The following OTUD7B variants were observed in gnomAD, a reference collection of about 807,000 sequenced individuals.
The protein encoded by OTUD7B is OTU deubiquitinase 7B, also known as OTU domain-containing protein 7B.
A neutral mutation model predicts 82.2 loss-of-function variants in OTUD7B; 34 were observed. The observed-to-expected ratio is 0.41, with a 90% CI of 0.31 to 0.55. The LOEUF (loss-of-function observed/expected upper bound fraction) is 0.55, where lower values mean the gene tolerates loss of function less well. Among genes scored for constraint, OTUD7B ranks in the 20% least tolerant of loss-of-function variants. The pLI is 0.20. For synonymous variants in OTUD7B, 398 were observed against 402.7 expected, an observed-to-expected ratio of 0.99 and a Z score of 0.14; for missense variants, 944 against 1,062.1, an observed-to-expected ratio of 0.89 and a Z score of 1.55.
At chr1:150,014,921 T>TG (rs1553788180), upstream of OTUD7B, among the ~76,000 whole-genome samples, 1 of 151,044 alleles carries the variant, frequency 6.6e-6, no homozygotes, top group African/African-American at 2.4e-5. Context: ...TTGCCTCAAT[T>TG]AAAAAAAAAT....
At chr1:149,976,505 G>A (rs587741889) in intron 2 of OTUD7B, among the ~76,000 whole-genome samples, 14 of 151,470 alleles carry the variant, frequency 9.2e-5, no homozygotes, top group East Asian at 5.8e-4. Flanking sequence ...CAGCTACTCC[G>A]GAGGCTGAGG....
At chr1:149,997,088 G>A (rs182345219) in intron 1 of OTUD7B, among the ~76,000 whole-genome samples, 1 of 152,326 alleles carries the variant, frequency 6.6e-6, no homozygotes, top group Admixed American at 6.5e-5. Context: ...AGTCTTGGCA[G>A]ACGAAATTAA....
At chr1:150,057,709 A>G in the OTUD7B span, among the ~76,000 whole-genome samples, 2 of 152,342 alleles carry the variant, frequency 1.3e-5, no homozygotes, top group Non-Finnish European at 2.9e-5. Flanking sequence ...ATTGCCCATG[A>G]TTCTGAGGTT....
Position 149,938,430 on chromosome 1 carries a change from C to T in OTUD7B, c.*5427G>A, listed in dbSNP as rs2092740258. 1 of 126,066 alleles carries T rather than the reference C, an allele frequency of 7.9e-6. No individual in the cohort carries two copies. The highest frequency in any genetic ancestry group is 3.1e-5 in the African/African-American group (1 of 32,124). The allele number at this position is 126,066 out of a possible 1,614,324, so 7.8% of individuals were successfully genotyped here. On this transcript the variant is annotated 3_prime_UTR_variant, in exon 12 of 12. Transcript: ENST00000581312. ...GAGCCAAGATCTAATGACTACGCTC[C>T]AGCCTGGGCAACAGAGCAAGACTCC...
chr1:149,950,099 C>G lies in OTUD7B; in HGVS notation c.968G>C (p.Gly323Ala). 4 of 1,613,940 alleles carry G rather than the reference C, an allele frequency of 2.5e-6. No individual in the cohort carries two copies. The highest frequency in any genetic ancestry group is 3.4e-6 in the Non-Finnish European group (4 of 1,180,016). ...GGACTGACTGGCTGACTCACCTTCC[C>G]CTCCGGAGTCCCTCAGCATGGTGTC... is the stretch of plus-strand genomic sequence containing the variant. ...VADTMLRDSGGEAFAPIPFGG... is the reference protein window; with the variant it reads ...VADTMLRDSGAEAFAPIPFGG... The change falls in exon 8 of 12, where the codon GGG becomes GCG. Residue 323 changes from glycine to alanine, a missense_variant. Gly to Ala is a moderately conservative substitution (Grantham distance 60). Transcript: ENST00000581312.
chr1:149,951,021 C>T (rs1388035667), intron 7 of OTUD7B, among the ~76,000 whole-genome samples: 3 of 104,712 alleles, frequency 2.9e-5, no homozygotes, highest in East Asian at 6.6e-4. Flanking sequence ...CTCACTCTTT[C>T]GCCCAGACTG....
intron 1 of OTUD7B, among the ~76,000 whole-genome samples, chr1:150,000,602 T>C (rs782014714): frequency 6.6e-6 from 1 of 152,128 alleles, no homozygotes; most frequent in Non-Finnish European, 1.5e-5. Context: ...TGAAAAGCAA[T>C]GTTGAGAAAA....
At chr1:150,052,244 G>GACGACATGATTCCATATTTAGAAA in the OTUD7B span, among the ~76,000 whole-genome samples, 1 of 152,302 alleles carries the variant, frequency 6.6e-6, no homozygotes, top group East Asian at 1.9e-4. Context: ...TCTGTTTGCA[G>GACGACATGATTCCATATTTAGAAA]ACGACATGAT....
intron 5 of OTUD7B, among the ~76,000 whole-genome samples, chr1:149,965,294 G>A (rs1172465121): frequency 6.6e-6 from 1 of 152,022 alleles, no homozygotes; most frequent in African/African-American, 2.4e-5. Context: ...TTGAACCCAG[G>A]GGTGGAGGTC....
the OTUD7B span, among the ~76,000 whole-genome samples, chr1:150,039,386 A>ATT: frequency 0.64 from 50,708 of 78,776 alleles, 12,021 homozygotes; most frequent in African/African-American, 0.75. Context: ...TTAAAAAAAA[A>ATT]ATTTTTTTTG....
intron 4 of OTUD7B, among the ~76,000 whole-genome samples, chr1:149,966,482 G>A (rs186098262): frequency 5.3e-5 from 8 of 152,272 alleles, no homozygotes; most frequent in East Asian, 1.9e-4. Flanking sequence ...ATGTCATCAC[G>A]TGTGGGGTGT....
Position 149,949,000 on chromosome 1 carries a change from T to G in OTUD7B, c.1207A>C (p.Lys403Gln). 6.2e-7 allele frequency: 1 copy of G among 1,613,720 alleles called. No individual in the cohort carries two copies. Among genetic ancestry groups the G allele is most frequent in the South Asian group, 1.1e-5 (1 of 91,084 alleles). The part of the protein sequence containing the change: ...VDPGKGWEWG[K>Q]DDSDNVRLAS... ...AATCGGACATTGTCACTATCATCTT[T>G]GCCCCACTCCCAGCCCTTTCCAGGG... The change falls in exon 10 of 12, where the codon AAA becomes CAA. Residue 403 changes from lysine (K) to glutamine (Q), a missense_variant. Around this residue, in one of 3 missense-constraint regions of OTUD7B, gnomAD observed 530 missense variants for 625.6 expected, o/e 0.85. Coordinates refer to ENST00000581312, the MANE Select transcript of OTUD7B (RefSeq NM_020205.4).
the OTUD7B span, among the ~76,000 whole-genome samples, chr1:150,037,307 A>T: frequency 2.7e-5 from 4 of 150,700 alleles, no homozygotes; most frequent in Non-Finnish European, 5.9e-5. Context: ...GAAAAGGACT[A>T]TTTATAGATA....
At chr1:149,953,918 G>A (rs1483656520) in intron 7 of OTUD7B, among the ~76,000 whole-genome samples, 9 of 152,184 alleles carry the variant, frequency 5.9e-5, no homozygotes, top group Non-Finnish European at 1.0e-4. Context: ...GACTGCTGAA[G>A]TTGCTTATCA....
At chr1:150,052,586 T>C in the OTUD7B span, among the ~76,000 whole-genome samples, 1 of 152,194 alleles carries the variant, frequency 6.6e-6, no homozygotes, top group Non-Finnish European at 1.5e-5. Flanking sequence ...AAAATGGTCA[T>C]ATTGCCCAAA....
intron 1 of OTUD7B, among the ~76,000 whole-genome samples, chr1:150,006,368 A>G (rs1442486311): frequency 1.3e-5 from 2 of 152,176 alleles, no homozygotes; most frequent in Non-Finnish European, 2.9e-5. Context: ...GAGGCAGGAC[A>G]ATGGCATGAA....
At chr1:150,019,518 C>T in the OTUD7B span, among the ~76,000 whole-genome samples, 2 of 152,088 alleles carry the variant, frequency 1.3e-5, no homozygotes, top group Non-Finnish European at 2.9e-5. Flanking sequence ...CAGGCATGGG[C>T]ACCATGCCTG....
Position 149,949,841 on chromosome 1 carries a change from T to C in OTUD7B, c.974-63A>G. ...TTCTGCCTAGTGGACAATCCCTACA[T>C]CCCACTCTGCCAACTGAGTCCCTCC... is the stretch of plus-strand genomic sequence containing the variant. On this transcript the variant is annotated intron_variant, in intron 8 of 11. Coordinates refer to ENST00000581312, the MANE Select transcript of OTUD7B (RefSeq NM_020205.4). 3.3e-6 allele frequency: 5 copies of C among 1,533,994 alleles called. No homozygotes were observed. In the South Asian group the frequency reaches 5.9e-5, roughly 18 times the overall value.
the OTUD7B span, among the ~76,000 whole-genome samples, chr1:150,029,406 T>A: frequency 6.6e-6 from 1 of 152,162 alleles, no homozygotes. Flanking sequence ...GAATTGTGAT[T>A]CAAGCGAGGT....
Sources: gnomAD v4.1 joint callset for allele counts (sites outside exome capture counted in the v4.1 genomes callset) on GRCh38, gnomAD v4.1.1 for gene constraint, gnomAD v4.1.1 regional missense constraint, MANE v1.5 for transcripts, NCBI Gene and HGNC (gene_info 2026-07-23, HGNC 2026-07-21) for gene names.